The following PRR16 variants were observed in gnomAD, a reference collection of about 807,000 sequenced individuals.
The protein encoded by PRR16 is proline rich 16, also known as protein Largen.
PRR16 carries 6 observed loss-of-function variants against 18.2 expected under a neutral mutation model. The observed-to-expected ratio is 0.33, with a 90% confidence interval of 0.18 to 0.65. The LOEUF (loss-of-function observed/expected upper bound fraction) is 0.65. PRR16 is among the 30% of genes least tolerant of loss of function. The pLI, the probability that PRR16 is intolerant of heterozygous loss-of-function variation, is 0.74. For missense variants in PRR16, 412 were observed against 376.6 expected (o/e 1.09, Z -0.78); for synonymous variants, 151 against 147.8 (o/e 1.02, Z -0.16).
At chr5:120,666,184 A>G (rs980295609) in intron 1 of PRR16, among the ~76,000 whole-genome samples, 2 of 152,108 alleles carry the variant, frequency 1.3e-5, no homozygotes, top group African/African-American at 4.8e-5. Flanking sequence ...ATCCCTTGTA[A>G]GTTGGATTCC....
chr5:120,629,275 A>G (rs1278812094), intron 1 of PRR16, among the ~76,000 whole-genome samples: 5 of 152,038 alleles, frequency 3.3e-5, no homozygotes, highest in Non-Finnish European at 7.4e-5. Flanking sequence ...TTATTTATGT[A>G]TGTGTGCATG....
chr5:120,545,449 G>T (rs1752046337), intron 1 of PRR16, among the ~76,000 whole-genome samples: 1 of 151,838 alleles, frequency 6.6e-6, no homozygotes, highest in Non-Finnish European at 1.5e-5. Flanking sequence ...TATGGTGGTG[G>T]CTTTTATAAT....
At chr5:120,481,356 C>G in intron 1 of PRR16, 1 of 362,830 alleles carries the variant, frequency 2.8e-6, no homozygotes, top group South Asian at 2.0e-5. Context: ...GTCTTGAACT[C>G]TTGAGCTCAG....
At chr5:120,671,672 C>G (rs1391397608) in intron 1 of PRR16, among the ~76,000 whole-genome samples, 1 of 152,026 alleles carries the variant, frequency 6.6e-6, no homozygotes, top group Non-Finnish European at 1.5e-5. Context: ...AAAAACATGT[C>G]AAAATGTCAT....
chr5:120,651,295 G>A (rs969497002), intron 1 of PRR16, among the ~76,000 whole-genome samples: 2 of 152,062 alleles, frequency 1.3e-5, no homozygotes, highest in Non-Finnish European at 2.9e-5. Flanking sequence ...TCACTCTGAT[G>A]GTAGTTTCTT....
the PRR16 span, among the ~76,000 whole-genome samples, chr5:120,756,794 TTTAA>T: frequency 3.9e-5 from 6 of 152,122 alleles, no homozygotes; most frequent in African/African-American, 1.4e-4. Flanking sequence ...AGCTCTTTAG[TTTAA>T]TTAGGTCCTA....
intron 1 of PRR16, among the ~76,000 whole-genome samples, chr5:120,534,801 A>T (rs1185269687): frequency 6.6e-6 from 1 of 152,196 alleles, no homozygotes. Flanking sequence ...TCAACTGGCC[A>T]AGTTAGAGAG....
At chr5:120,787,037 A>T in the PRR16 span, among the ~76,000 whole-genome samples, 1 of 152,142 alleles carries the variant, frequency 6.6e-6, no homozygotes, top group African/African-American at 2.4e-5. Flanking sequence ...TAACCCGTTG[A>T]TATGAAGAAT....
At chr5:120,758,831 G>C in the PRR16 span, among the ~76,000 whole-genome samples, 2 of 151,934 alleles carry the variant, frequency 1.3e-5, no homozygotes, top group African/African-American at 4.8e-5. Context: ...TAATACATTA[G>C]TCTAAAAAAT....
the PRR16 span, among the ~76,000 whole-genome samples, chr5:120,774,333 C>T: frequency 1.3e-5 from 2 of 152,124 alleles, no homozygotes; most frequent in Non-Finnish European, 2.9e-5. Context: ...GCTTTGTCTG[C>T]TTACTCACTT....
chr5:120,655,854 G>A (rs951072326), intron 1 of PRR16, among the ~76,000 whole-genome samples: 1 of 151,476 alleles, frequency 6.6e-6, no homozygotes, highest in African/African-American at 2.4e-5. Context: ...AGGAAAGGTC[G>A]TTATATTCTT....
At chr5:120,638,282 A>G (rs1406970777) in intron 1 of PRR16, among the ~76,000 whole-genome samples, 1 of 152,144 alleles carries the variant, frequency 6.6e-6, no homozygotes, top group Non-Finnish European at 1.5e-5. Flanking sequence ...AAGGATGCCC[A>G]ACCTATATAG....
chr5:120,573,899 G>GTT (rs1456831639), intron 1 of PRR16, among the ~76,000 whole-genome samples: 1 of 73,112 alleles, frequency 1.4e-5, no homozygotes, highest in Non-Finnish European at 3.3e-5. Flanking sequence ...TGTATGATAT[G>GTT]TGTGTATATA....
intron 1 of PRR16, among the ~76,000 whole-genome samples, chr5:120,671,507 G>A (rs1013014892): frequency 1.3e-5 from 2 of 152,004 alleles, no homozygotes; most frequent in Non-Finnish European, 2.9e-5. Flanking sequence ...GAGATATGAA[G>A]GAGAGGATAG....
At chr5:120,501,845 A>G (rs1311523158) in intron 1 of PRR16, among the ~76,000 whole-genome samples, 2 of 150,778 alleles carry the variant, frequency 1.3e-5, no homozygotes, top group Non-Finnish European at 2.9e-5. Flanking sequence ...AGTCCCAGCT[A>G]CTCAGGAGGC....
At chr5:120,637,317 G>GAAAAAAAAAAAA (rs372136712) in intron 1 of PRR16, among the ~76,000 whole-genome samples, 1 of 62,636 alleles carries the variant, frequency 1.6e-5, no homozygotes. Context: ...CCATTATACG[G>GAAAAAAAAAAAA]AAAAAAAAAA....
chr5:120,773,571 C>G, the PRR16 span, among the ~76,000 whole-genome samples: 1 of 152,130 alleles, frequency 6.6e-6, no homozygotes, highest in Non-Finnish European at 1.5e-5. Context: ...ACAGCCACAC[C>G]TAACTTCAAG....
At chr5:120,509,605 G>A (rs1750756010) in intron 1 of PRR16, among the ~76,000 whole-genome samples, 1 of 152,122 alleles carries the variant, frequency 6.6e-6, no homozygotes, top group African/African-American at 2.4e-5. Flanking sequence ...CTGGTTGGAA[G>A]GGGTTAAATT....
At chr5:120,637,317 GAAAAAAAAA>G (rs372136712) in intron 1 of PRR16, among the ~76,000 whole-genome samples, 20 of 62,650 alleles carry the variant, frequency 3.2e-4, no homozygotes, top group Admixed American at 2.6e-3. Context: ...CCATTATACG[GAAAAAAAAA>G]AAAAAAAAAA....
Sources: allele counts gnomAD v4.1 joint callset (sites outside exome capture counted in the v4.1 genomes callset), GRCh38; gene constraint gnomAD v4.1.1; transcripts MANE v1.5; gene names NCBI Gene and HGNC (gene_info 2026-07-23, HGNC 2026-07-21).